The following PDE1B variants were observed in gnomAD, a reference collection of about 807,000 sequenced individuals.
The protein encoded by PDE1B is phosphodiesterase 1B.
A neutral mutation model predicts 66.7 loss-of-function variants in PDE1B; 13 were observed. The observed-to-expected ratio is 0.19, with a 90% confidence interval of 0.13 to 0.31. The LOEUF is 0.31. Ranked by LOEUF, PDE1B falls within the 10% of genes least tolerant of loss-of-function variation. The pLI is 1.00. For missense variants in PDE1B, 485 were observed against 682.3 expected (o/e 0.71, Z 3.22); for synonymous variants, 230 against 253.9 (o/e 0.91, Z 0.90).
In PDE1B at chr12:54,575,905, AG is replaced by A. The variant is rs1444721574; in HGVS notation, c.1268-83del. 5 of 995,188 alleles carry A rather than the reference AG, an allele frequency of 5.0e-6. No homozygotes were observed. Among genetic ancestry groups the A allele is most frequent in the Non-Finnish European group, 8.1e-6 (5 of 621,116 alleles). 61.6% of individuals were successfully genotyped at this position (995,188 alleles called of 1,614,324 possible). On this transcript the variant is annotated intron_variant, in intron 12 of 15. Transcript: ENST00000243052. This position sits in a 1 kb window ranked among gnomAD's most constrained non-coding sequence, Gnocchi z 4.0. ...TCTCCATCCTCTTTCATAAGCAGCC[AG>A]GGGTCCTGGCCATGCCAGCTGCATG...
chr12:54,560,882 C>T (rs1267443403), intron 2 of PDE1B, among the ~76,000 whole-genome samples: 1 of 152,090 alleles, frequency 6.6e-6, no homozygotes, highest in South Asian at 2.1e-4. Context: ...TTTCTATGAG[C>T]GAGTTCTCTT....
Position 54,569,578 on chromosome 12 carries a change from C to G in PDE1B, c.443C>G (p.Pro148Arg). The G allele has an allele frequency of 6.2e-7, 1 of 1,613,848 alleles. No homozygotes were observed. The highest frequency in any genetic ancestry group is 8.5e-7 in the Non-Finnish European group (1 of 1,179,726). Residue 148 changes from proline (P) to arginine (R), a missense_variant, in exon 5 of 16, where the codon CCC becomes CGC. By Grantham distance (103) the Pro-to-Arg change is moderately radical. This residue lies in a region of PDE1B where 282 missense variants were observed against 453.4 expected (regional missense o/e 0.62). Coordinates refer to ENST00000243052, the MANE Select transcript of PDE1B (RefSeq NM_000924.4). The surrounding 1 kb of genome is among the most constrained non-coding windows in gnomAD (Gnocchi z 4.4). ...MFRRTYTSVG[P>R]TYSTAVLNCL... Reference sequence around the variant, plus strand: ...CGGAGAACATACACCTCTGTGGGCCCCACTTACTCTACTGCGGTTCTCAAC... The same window carrying G: ...CGGAGAACATACACCTCTGTGGGCCGCACTTACTCTACTGCGGTTCTCAAC...
intron 2 of PDE1B, among the ~76,000 whole-genome samples, chr12:54,558,111 C>T (rs533918125): frequency 3.3e-5 from 5 of 152,252 alleles, no homozygotes; most frequent in East Asian, 1.9e-4. Flanking sequence ...CTGTTAGAAA[C>T]GGCTTCTGGT....
intron 2 of PDE1B, 187 bp downstream of exon 2, chr12:54,550,172 C>A (rs934841266): frequency 1.4e-6 from 2 of 1,418,322 alleles, no homozygotes; most frequent in Admixed American, 5.7e-5. Flanking sequence ...GCGGAGCAAG[C>A]TGGCCAGTTG....
chr12:54,566,824 C>A, intron 2 of PDE1B, 150 bp from the exon 3 acceptor site: 1 of 470,578 alleles, frequency 2.1e-6, no homozygotes, highest in Non-Finnish European at 3.8e-6. Flanking sequence ...AAAAAAGAAA[C>A]ATTAGCTGCT....
At chr12:54,557,961 G>T (rs1376089272) in intron 2 of PDE1B, among the ~76,000 whole-genome samples, 1 of 151,978 alleles carries the variant, frequency 6.6e-6, no homozygotes, top group African/African-American at 2.4e-5. Context: ...GCTGAAGTCT[G>T]ATGGAAAGGT....
chr12:54,559,546 G>A (rs1957380279), intron 2 of PDE1B, among the ~76,000 whole-genome samples: 1 of 151,954 alleles, frequency 6.6e-6, no homozygotes, highest in South Asian at 2.1e-4. Flanking sequence ...AAGGGATGAT[G>A]GTTGATCATT....
chr12:54,575,242 C>CT lies in PDE1B; in HGVS notation c.1185+25dup. On this transcript the variant is annotated intron_variant, in intron 11 of 15. Coordinates refer to ENST00000243052, the MANE Select transcript of PDE1B (RefSeq NM_000924.4). The surrounding 1 kb of genome is among the most constrained non-coding windows in gnomAD (Gnocchi z 4.0). ...AGGTAGCGTGGCATCTTTGCCTTCC[C>CT]TGTGCCTATGGGGGCCTTCTCTCCC... is the stretch of plus-strand genomic sequence containing the variant. 6.2e-7 allele frequency: 1 copy of CT among 1,608,374 alleles called. No homozygotes were observed.
intron 6 of PDE1B, chr12:54,571,732 C>T (rs1369976742): frequency 1.3e-5 from 2 of 152,194 alleles, no homozygotes; most frequent in Non-Finnish European, 2.9e-5. Flanking sequence ...CATGGCAACG[C>T]AAAAGCAAGG....
Position 54,573,114 on chromosome 12 carries a change from AC to A in PDE1B, c.736-30del, listed in dbSNP as rs773040123. On this transcript the variant is annotated intron_variant, in intron 7 of 15. Coordinates refer to ENST00000243052, the MANE Select transcript of PDE1B (RefSeq NM_000924.4). The surrounding 1 kb of genome is among the most constrained non-coding windows in gnomAD (Gnocchi z 5.2). ...TCCTGGGAAGTGACCAGCAGGCGTC[AC>A]CCCTCTCTCATTCTTTCTCTTTCCT... is the stretch of plus-strand genomic sequence containing the variant. 19 of 1,500,196 alleles carry A rather than the reference AC, an allele frequency of 1.3e-5. No individual in the cohort carries two copies. The highest frequency in any genetic ancestry group is 1.7e-4 in the Middle Eastern group (1 of 5,772). The allele number at this position is 1,500,196 out of a possible 1,614,324, so 92.9% of individuals were successfully genotyped here. A position where few individuals can be genotyped will look rare whatever the true frequency, so the allele number is the denominator to read the frequency against.
chr12:54,558,581 G>T (rs948710590), intron 2 of PDE1B, among the ~76,000 whole-genome samples: 2 of 152,214 alleles, frequency 1.3e-5, no homozygotes, highest in Non-Finnish European at 2.9e-5. Flanking sequence ...GAGGTGGAGA[G>T]CTGGTTGTTC....
Position 54,549,666 on chromosome 12 carries a change from C to A in PDE1B, c.-120C>A. On this transcript the variant is annotated 5_prime_UTR_variant, in exon 1 of 16. Coordinates refer to ENST00000243052, the MANE Select transcript of PDE1B (RefSeq NM_000924.4). ...GGTGCGGAGAGCTTGGACTGGGAGC[C>A]CAAAGCTCGGCTGGGCAGCGGGAGA... 1 of 493,692 alleles carries A rather than the reference C, an allele frequency of 2.0e-6. No individual in the cohort carries two copies. The highest frequency in any genetic ancestry group is 3.6e-6 in the Non-Finnish European group (1 of 278,976). The allele number at this position is 493,692 out of a possible 1,614,324, so 30.6% of individuals were successfully genotyped here.
intron 2 of PDE1B, among the ~76,000 whole-genome samples, chr12:54,563,628 A>T (rs1348212414): frequency 6.6e-6 from 1 of 152,146 alleles, no homozygotes; most frequent in Non-Finnish European, 1.5e-5. Context: ...GGTTAGGACC[A>T]CCATGATTTG....
rs560443444 is a variant in PDE1B at position 54,565,745 on chromosome 12, G to T, written c.114-1229G>T. Among the ~76,000 whole-genome samples, 3 of 152,272 alleles carry T rather than the reference G, an allele frequency of 2.0e-5. No individual in the cohort carries two copies. In the South Asian group the frequency reaches 6.2e-4, roughly 32 times the overall value. On this transcript the variant is annotated intron_variant, in intron 2 of 15. Coordinates refer to ENST00000243052, the MANE Select transcript of PDE1B (RefSeq NM_000924.4). Reference sequence around the variant, plus strand: ...CCTGAGGTGAGAACTGGCCTGTGATGCTTCCTGGGGCTGGCTATTTTGGGC... The same window carrying T: ...CCTGAGGTGAGAACTGGCCTGTGATTCTTCCTGGGGCTGGCTATTTTGGGC...
intron 14 of PDE1B, 115 bp downstream of exon 14, chr12:54,576,816 G>A (rs1484198026): frequency 2.7e-6 from 3 of 1,126,672 alleles, no homozygotes; most frequent in South Asian, 2.9e-5. Flanking sequence ...TCCTTGATTT[G>A]GGAGTGGAGC....
intron 2 of PDE1B, among the ~76,000 whole-genome samples, chr12:54,557,394 C>A (rs558094256): frequency 6.6e-6 from 1 of 152,304 alleles, no homozygotes; most frequent in Admixed American, 6.5e-5. Flanking sequence ...CTACCCTTCT[C>A]CTCTAAGCAC....
At position 54,549,936 on chromosome 12, in the gene PDE1B, G is replaced by A. The variant is rs200545087; in HGVS notation, c.64G>A (p.Glu22Lys). ...GGAGTCGGATTGCCCGTCACCCCTG[G>A]AGCTGAAGTCAGCCCCCAGCAAGAA... ...LEESDCPSPLELKSAPSKKMW... is the reference protein window; with the variant it reads ...LEESDCPSPLKLKSAPSKKMW... The change falls in exon 2 of 16, where the codon GAG becomes AAG. Residue 22 changes from glutamate (E) to lysine (K), a missense_variant. By Grantham distance (56) the Glu-to-Lys change is moderately conservative (BLOSUM62 1). Around this residue, in one of 4 missense-constraint regions of PDE1B, gnomAD observed 74 missense variants for 78.7 expected, o/e 0.94. Transcript: ENST00000243052. The A allele has an allele frequency of 2.5e-6, 4 of 1,614,066 alleles. No homozygotes were observed. In the African/African-American group the frequency reaches 5.3e-5, roughly 22 times the overall value.
intron 2 of PDE1B, among the ~76,000 whole-genome samples, chr12:54,558,817 C>T (rs1957371621): frequency 1.3e-5 from 2 of 152,182 alleles, no homozygotes; most frequent in Admixed American, 1.3e-4. Flanking sequence ...TTATGAATGA[C>T]TCAATGAATA....
rs1307855025 is a variant in PDE1B at position 54,573,868 on chromosome 12, A to T, written c.1064+159A>T. The T allele has an allele frequency of 5.6e-6, 3 of 533,876 alleles. No homozygotes were observed. In the African/African-American group the frequency reaches 7.1e-5, roughly 13 times the overall value. 33.1% of individuals were successfully genotyped at this position (533,876 alleles called of 1,614,324 possible). ...CTGCATCTCTATGTGAGAGAGAGAGAGAGTGTGTGTGTGTGTGTGTGTGTG... is the reference window on the plus strand; with the variant it reads ...CTGCATCTCTATGTGAGAGAGAGAGTGAGTGTGTGTGTGTGTGTGTGTGTG... On this transcript the variant is annotated intron_variant, in intron 10 of 15. Transcript: ENST00000243052. The surrounding 1 kb of genome is among the most constrained non-coding windows in gnomAD (Gnocchi z 5.2).
Sources: allele counts gnomAD v4.1 joint callset (sites outside exome capture counted in the v4.1 genomes callset), GRCh38; gene constraint gnomAD v4.1.1; regional missense constraint gnomAD v4.1.1; non-coding constraint Gnocchi (gnomAD v3.1); transcripts MANE v1.5; gene names NCBI Gene and HGNC (gene_info 2026-07-23, HGNC 2026-07-21).